COG2: variants seen among roughly 807,000 people sequenced by gnomAD.
The protein encoded by COG2 is component of oligomeric golgi complex 2, also known as conserved oligomeric Golgi complex subunit 2.
In COG2, 52 loss-of-function variants were observed where a neutral mutation model predicts 90.6. The ratio of observed to expected loss-of-function variants is 0.57; its 90% confidence interval spans 0.46 to 0.72. The LOEUF (loss-of-function observed/expected upper bound fraction) is 0.72. Among genes scored for constraint, COG2 ranks in the 30% least tolerant of loss-of-function variants. The probability of loss-of-function intolerance (pLI) is 0.00; values close to 1 mark genes in which losing one functional copy is unlikely to be tolerated. For missense variants in COG2, 829 were observed against 891.2 expected (o/e 0.93, Z 0.89); for synonymous variants, 337 against 320.4 (o/e 1.05, Z -0.55).
At chr1:230,688,263 C>T (rs986917193) in intron 14 of COG2, 120 bp downstream of exon 14, 1 of 1,214,586 alleles carries the variant, frequency 8.2e-7, no homozygotes, top group Non-Finnish European at 1.2e-6. Flanking sequence ...GGTTGTTTCT[C>T]TATTCTGTAT....
In COG2 at chr1:230,653,012, C is replaced by T. The variant is rs541554269; in HGVS notation, c.73-6452C>T. 1.7e-3 allele frequency among the ~76,000 whole-genome samples: 263 copies of T among 152,078 alleles called. 1 individual carries two copies. The highest frequency in any genetic ancestry group is 2.9e-3 in the Non-Finnish European group (194 of 67,992). ...TAACCCCCTCTTTTTATAGTGAGAA[C>T]GCTTAAGATCTACTCTCTTAGCACA... On this transcript the variant is annotated intron_variant, in intron 1 of 17. Transcript: ENST00000366669.
chr1:230,673,859 T>C (rs557145546), intron 8 of COG2, among the ~76,000 whole-genome samples: 4 of 152,226 alleles, frequency 2.6e-5, no homozygotes, highest in African/African-American at 4.8e-5. Context: ...TGATAACTTA[T>C]CTGTCTTGAT....
Position 230,668,775 on chromosome 1 carries a change from A to G in COG2, c.585A>G (p.Lys195=). 6.3e-7 allele frequency: 1 copy of G among 1,598,490 alleles called. No individual in the cohort carries two copies. Among genetic ancestry groups the G allele is most frequent in the Non-Finnish European group, 8.6e-7 (1 of 1,167,996 alleles). Reference sequence around the variant, plus strand: ...GCAAAGGCATGCCTCTTTTGGACAAAGTAAGACCGGTAAGTGTTGTTTTGG... The same window carrying G: ...GCAAAGGCATGCCTCTTTTGGACAAGGTAAGACCGGTAAGTGTTGTTTTGG... ...VQSKGMPLLD[K]VRPRIAGITA... The change falls in exon 6 of 18, where the codon AAA becomes AAG. Residue 195 remains lysine (K), a synonymous_variant. Coordinates refer to ENST00000366669, the MANE Select transcript of COG2 (RefSeq NM_007357.3).
rs773480798 is a variant in COG2, at chr1:230,643,772, G to T, written c.72+1094G>T. Among the ~76,000 whole-genome samples, 88 of 151,960 alleles carry T rather than the reference G, an allele frequency of 5.8e-4. 1 individual carries two copies. Among genetic ancestry groups the T allele is most frequent in the Non-Finnish European group, 1.3e-4 (9 of 68,024 alleles). On this transcript the variant is annotated intron_variant, in intron 1 of 17. Transcript: ENST00000366669. ...ATTCTTGTAAGTGATATTCCTATTA[G>T]ACCACTGTACTAAAAGGTGTAACTT...
chr1:230,649,652 C>G (rs945801167), intron 1 of COG2, among the ~76,000 whole-genome samples: 16 of 152,200 alleles, frequency 1.1e-4, no homozygotes, highest in African/African-American at 3.9e-4. Flanking sequence ...GCTGTGCCCC[C>G]TGTAATTACA....
At chr1:230,679,125 C>A in intron 10 of COG2, 73 bp downstream of exon 10, 1 of 1,425,040 alleles carries the variant, frequency 7.0e-7, no homozygotes, top group Non-Finnish European at 9.5e-7. Context: ...AAGGATGTTG[C>A]CTCAGTTAGC....
intron 1 of COG2, among the ~76,000 whole-genome samples, chr1:230,659,253 G>A (rs947542514): frequency 1.3e-5 from 2 of 152,206 alleles, no homozygotes; most frequent in African/African-American, 4.8e-5. Flanking sequence ...AGAAGAGGAT[G>A]TTCTCAGTCA....
chr1:230,665,101 C>T (rs1662288765), intron 5 of COG2, among the ~76,000 whole-genome samples: 3 of 152,100 alleles, frequency 2.0e-5, no homozygotes, highest in Admixed American at 1.3e-4. Context: ...TATTACCTTC[C>T]CACACTGAAT....
At chr1:230,661,148 TA>T (rs1413610253) in intron 3 of COG2, among the ~76,000 whole-genome samples, 1 of 152,212 alleles carries the variant, frequency 6.6e-6, no homozygotes, top group Non-Finnish European at 1.5e-5. Flanking sequence ...GTCACTAATT[TA>T]AGAATAGCTT....
At chr1:230,663,414 T>C (rs915987279) in intron 4 of COG2, among the ~76,000 whole-genome samples, 193 bp downstream of exon 4, 4 of 152,176 alleles carry the variant, frequency 2.6e-5, no homozygotes, top group African/African-American at 7.2e-5. Flanking sequence ...TTTATGTATT[T>C]ATTTTTCTTT....
Position 230,669,382 on chromosome 1 carries a change from A to G in COG2, c.621A>G (p.Leu207=). 1 of 1,613,808 alleles carries G rather than the reference A, an allele frequency of 6.2e-7. No individual in the cohort carries two copies. Among genetic ancestry groups the G allele is most frequent in the Non-Finnish European group, 8.5e-7 (1 of 1,179,744 alleles). The change falls in exon 7 of 18, where the codon TTA becomes TTG. Residue 207 remains leucine, a synonymous_variant. Transcript: ENST00000366669. ...GTATAGCTGGCATTACAGCCATGTT[A>G]CAGCAGTCACTGGAAGGTCTCCTAT... ...RPRIAGITAM[L]QQSLEGLLLE...
chr1:230,687,881 C>T (rs972162729), intron 13 of COG2, 190 bp from the exon 14 acceptor site: 16 of 536,538 alleles, frequency 3.0e-5, no homozygotes, highest in Non-Finnish European at 4.2e-5. Context: ...TGTGATTTCT[C>T]ATGTTGTTGA....
At position 230,668,990 on chromosome 1, in the gene COG2, G is replaced by C. The variant is rs1054545295; in HGVS notation, c.594+206G>C. On this transcript the variant is annotated intron_variant, in intron 6 of 17. Coordinates refer to ENST00000366669, the MANE Select transcript of COG2 (RefSeq NM_007357.3). The stretch of plus-strand genomic sequence containing the variant: ...CTCAGTCACATTCTCCAGATGATAA[G>C]AGTAAAATTAATTCTGAATTTCATG... 51 of 468,216 alleles carry C rather than the reference G, an allele frequency of 1.1e-4. 1 individual carries two copies. In the Admixed American group the frequency reaches 1.9e-3, roughly 17 times the overall value. 29.0% of individuals were successfully genotyped at this position (468,216 alleles called of 1,614,324 possible).
chr1:230,661,902 C>T (rs1463232652), intron 3 of COG2, among the ~76,000 whole-genome samples: 1 of 152,164 alleles, frequency 6.6e-6, no homozygotes, highest in East Asian at 1.9e-4. Flanking sequence ...GGATTCCACA[C>T]TCTGGGTGGC....
intron 6 of COG2, 169 bp downstream of exon 6, chr1:230,668,953 T>C (rs1662383632): frequency 1.9e-6 from 1 of 515,044 alleles, no homozygotes; most frequent in African/African-American, 2.0e-5. Context: ...CATTATAGAT[T>C]TTGTGTAAAG....
At position 230,691,430 on chromosome 1, in the gene COG2, G is replaced by A. The variant is rs1663026443; in HGVS notation, c.1981G>A (p.Glu661Lys). 1 of 1,614,006 alleles carries A rather than the reference G, an allele frequency of 6.2e-7. No individual in the cohort carries two copies. The highest frequency in any genetic ancestry group is 8.5e-7 in the Non-Finnish European group (1 of 1,180,030). ...SDVLNSVKKMEESLKRLKQAR... is the reference protein window; with the variant it reads ...SDVLNSVKKMKESLKRLKQAR... ...TGTATTAAACTCTGTGAAGAAGATG[G>A]AAGAGAGCCTGAAAAGGCTGAAACA... The change falls in exon 17 of 18, where the codon GAA becomes AAA. Residue 661 changes from glutamate to lysine, a missense_variant. By Grantham distance (56) the Glu-to-Lys change is moderately conservative. Transcript: ENST00000366669.
intron 10 of COG2, chr1:230,682,574 T>A (rs1046971302): frequency 6.6e-6 from 1 of 152,276 alleles, no homozygotes; most frequent in Non-Finnish European, 1.5e-5. Context: ...GTGTCTTCAG[T>A]GCTCAGCTGT....
chr1:230,667,138 A>G (rs1662340178), intron 5 of COG2, among the ~76,000 whole-genome samples: 1 of 152,202 alleles, frequency 6.6e-6, no homozygotes, highest in Non-Finnish European at 1.5e-5. Flanking sequence ...TTCTCAGTCT[A>G]TAAGGCCCCT....
rs188500444 is a variant in COG2 at position 230,685,131 on chromosome 1, C to T, written c.1275C>T (p.Ser425=). 6.2e-7 allele frequency: 1 copy of T among 1,614,140 alleles called. No individual in the cohort carries two copies. The highest frequency in any genetic ancestry group is 1.3e-5 in the African/African-American group (1 of 75,018). The change falls in exon 12 of 18, where the codon AGC becomes AGT. Residue 425 remains serine, a synonymous_variant. Transcript: ENST00000366669. The part of the protein sequence containing the change: ...CLLASHRTWS[S]LRRCWSDEMF... ...TGGCTTCTCATAGAACTTGGAGCAGCCTTAGGAGGTGTTGGTCAGATGAGA... is the reference window on the plus strand; with the variant it reads ...TGGCTTCTCATAGAACTTGGAGCAGTCTTAGGAGGTGTTGGTCAGATGAGA...
Sources: gnomAD v4.1 joint callset for allele counts (sites outside exome capture counted in the v4.1 genomes callset) on GRCh38, gnomAD v4.1.1 for gene constraint, MANE v1.5 for transcripts, NCBI Gene and HGNC (gene_info 2026-07-23, HGNC 2026-07-21) for gene names.